Variants in ANKRD36C observed in about 807,000 individuals in gnomAD.
The protein encoded by ANKRD36C is ankyrin repeat domain 36C.
In ANKRD36C, 61 loss-of-function variants were observed where a neutral mutation model predicts 276.4. That is an observed-to-expected ratio of 0.22 (90% CI 0.18 to 0.27). ANKRD36C has a LOEUF of 0.27. Ranked by LOEUF, ANKRD36C falls within the 10% of genes least tolerant of loss-of-function variation. ANKRD36C has a pLI of 1.00. For missense variants in ANKRD36C, 1,447 were observed against 2,032.3 expected (o/e 0.71, Z 5.54); for synonymous variants, 483 against 680.1 (o/e 0.71, Z 4.51).
chr2:95,882,659 A>G (rs2463573), intron 54 of ANKRD36C, among the ~76,000 whole-genome samples, 162 bp from the exon 75 acceptor site: 3 of 152,148 alleles, frequency 2.0e-5, no homozygotes, highest in Non-Finnish European at 4.4e-5. Flanking sequence ...GAGGAAATAC[A>G]CTGAAGAAAA....
At chr2:95,921,747 T>G (rs1316668293) in intron 33 of ANKRD36C, 35 bp downstream of exon 33, 1 of 1,596,250 alleles carries the variant, frequency 6.3e-7, no homozygotes, top group East Asian at 2.3e-5. Context: ...GACTATAGAT[T>G]CACTAGTTCA....
At chr2:95,962,590 G>T in intron 6 of ANKRD36C, 43 bp from the exon 7 acceptor site, 2 of 1,593,990 alleles carry the variant, frequency 1.3e-6, no homozygotes, top group Non-Finnish European at 1.7e-6. Flanking sequence ...AGGTAAATAT[G>T]ATACAATTAT....
chr2:95,976,491 G>C (rs2258162), intron 6 of ANKRD36C, among the ~76,000 whole-genome samples: 1 of 152,156 alleles, frequency 6.6e-6, no homozygotes, highest in Non-Finnish European at 1.5e-5. Flanking sequence ...CTTATCAGGG[G>C]TTTCAGTACA....
Position 95,917,647 on chromosome 2 carries a change from G to A in ANKRD36C, c.2347+208C>T, listed in dbSNP as rs529811229. ...CTTCCCAATTTCAACGTGGGGAAGT[G>A]TATAATCATACTGCAAAGATCACGT... On this transcript the variant is annotated intron_variant, in intron 36 of 66. Transcript: ENST00000456556. 2.0e-5 allele frequency among the ~76,000 whole-genome samples: 3 copies of A among 151,646 alleles called. 1 individual carries two copies. The highest frequency in any genetic ancestry group is 4.1e-4 in the South Asian group (2 of 4,824).
intron 12 of ANKRD36C, among the ~76,000 whole-genome samples, chr2:95,958,023 T>C (rs1678371692): frequency 6.6e-6 from 1 of 152,254 alleles, no homozygotes; most frequent in African/African-American, 2.4e-5. Context: ...TTTTCCTTTA[T>C]GCAAACATTC....
At chr2:95,981,750 G>T (rs1318857205) in intron 4 of ANKRD36C, among the ~76,000 whole-genome samples, 2 of 151,876 alleles carry the variant, frequency 1.3e-5, no homozygotes, top group East Asian at 3.9e-4. Flanking sequence ...GAAAGCTAGG[G>T]ATTAAACCCA....
chr2:95,874,498 C>T (rs1473643308), intron 59 of ANKRD36C, among the ~76,000 whole-genome samples: 1 of 152,192 alleles, frequency 6.6e-6, no homozygotes, highest in African/African-American at 2.4e-5. Context: ...GAAACTGGAT[C>T]CCTTCCTTAC....
chr2:95,986,717 A>G, intron 3 of ANKRD36C, 34 bp downstream of exon 3: 2 of 1,569,992 alleles, frequency 1.3e-6, no homozygotes, highest in Non-Finnish European at 1.7e-6. Context: ...AATGCATTTC[A>G]GATAGTTTGA....
At chr2:95,956,738 C>T in intron 13 of ANKRD36C, 48 bp downstream of exon 13, 4 of 1,492,534 alleles carry the variant, frequency 2.7e-6, no homozygotes, top group African/African-American at 1.4e-5. Flanking sequence ...TCTATTCTCT[C>T]TATTAACTAA....
chr2:95,858,038 A>G (rs199943869), intron 61 of ANKRD36C, among the ~76,000 whole-genome samples: 4 of 152,042 alleles, frequency 2.6e-5, no homozygotes, highest in Admixed American at 2.6e-4. Flanking sequence ...AAATTTACCT[A>G]CAGCCTGGAA....
chr2:95,884,825 C>T (rs1037850181), intron 52 of ANKRD36C, among the ~76,000 whole-genome samples: 5 of 144,600 alleles, frequency 3.5e-5, no homozygotes, highest in African/African-American at 5.8e-5. Context: ...AGAGAAGGTA[C>T]ACAATTACAA....
At chr2:95,944,518 A>C in intron 19 of ANKRD36C, 109 bp downstream of exon 19, 1 of 1,166,122 alleles carries the variant, frequency 8.6e-7, no homozygotes, top group East Asian at 2.6e-5. Context: ...TTCCAAATAA[A>C]ACAATTTACC....
chr2:95,892,655 T>A (rs1322171393), intron 44 of ANKRD36C, among the ~76,000 whole-genome samples: 7 of 151,508 alleles, frequency 4.6e-5, no homozygotes, highest in East Asian at 1.9e-4. Flanking sequence ...ATATTCACTA[T>A]AAATGACCAT....
At chr2:95,861,790 C>T (rs75437005) in intron 60 of ANKRD36C, among the ~76,000 whole-genome samples, 3 of 151,978 alleles carry the variant, frequency 2.0e-5, no homozygotes, top group East Asian at 3.9e-4. Flanking sequence ...TCAACTATAA[C>T]ACAGACTGTC....
At chr2:95,956,257 G>A (rs1678324355) in intron 13 of ANKRD36C, among the ~76,000 whole-genome samples, 1 of 152,046 alleles carries the variant, frequency 6.6e-6, no homozygotes, top group South Asian at 2.1e-4. Flanking sequence ...CGGTCTTGTG[G>A]CCACAGGTAA....
intron 60 of ANKRD36C, among the ~76,000 whole-genome samples, chr2:95,864,004 T>C (rs1285061495): frequency 6.6e-6 from 1 of 151,982 alleles, no homozygotes; most frequent in Non-Finnish European, 1.5e-5. Flanking sequence ...TTTAGGCTCA[T>C]CTATCATAGC....
chr2:95,981,030 T>C (rs1348794006), intron 4 of ANKRD36C, among the ~76,000 whole-genome samples: 1 of 152,036 alleles, frequency 6.6e-6, no homozygotes, highest in Non-Finnish European at 1.5e-5. Context: ...TTAAAGTCCT[T>C]TGATGGGCAA....
At chr2:95,918,537 C>T (rs1320830011) in intron 34 of ANKRD36C, among the ~76,000 whole-genome samples, 1 of 151,686 alleles carries the variant, frequency 6.6e-6, no homozygotes, top group African/African-American at 2.4e-5. Context: ...ATACACTTCA[C>T]ATCCCTTCAG....
chr2:95,976,586 C>T (rs1486572307), intron 6 of ANKRD36C, among the ~76,000 whole-genome samples: 2 of 152,208 alleles, frequency 1.3e-5, no homozygotes, highest in East Asian at 1.9e-4. Flanking sequence ...TCTGTAAAAG[C>T]GTGGGCACAT....
Sources: gnomAD v4.1 joint callset for allele counts (sites outside exome capture counted in the v4.1 genomes callset) on GRCh38, gnomAD v4.1.1 for gene constraint, MANE v1.5 for transcripts, NCBI Gene and HGNC (gene_info 2026-07-23, HGNC 2026-07-21) for gene names.